MSRA: variants seen among roughly 807,000 people sequenced by gnomAD.
MSRA encodes methionine sulfoxide reductase A.
Under a neutral mutation model 31.3 loss-of-function variants are expected in MSRA, and 54 were observed. That is an observed-to-expected ratio of 1.73 (90% CI 1.39 to 2.17). The LOEUF (loss-of-function observed/expected upper bound fraction) is 2.17, where lower values mean the gene tolerates loss of function less well. Among genes scored for constraint, MSRA ranks in the 30% most tolerant of loss-of-function variants. The pLI, the probability that MSRA is intolerant of heterozygous loss-of-function variation, is 0.00. For missense variants in MSRA, 507 were observed against 300.9 expected (o/e 1.69, Z -5.07); for synonymous variants, 169 against 116.5 (o/e 1.45, Z -2.90).
chr8:10,190,355 G>A (rs528272085), intron 1 of MSRA, among the ~76,000 whole-genome samples: 65 of 152,274 alleles, frequency 4.3e-4, no homozygotes, highest in African/African-American at 1.4e-3. Context: ...GCTTCTGTCC[G>A]TGGCAGTGCC....
chr8:10,095,967 A>G (rs749735373), intron 1 of MSRA: 23 of 1,379,964 alleles, frequency 1.7e-5, no homozygotes, highest in Non-Finnish European at 2.1e-5. Context: ...AATTTTCTAC[A>G]AAATAAAGTT....
intron 4 of MSRA, among the ~76,000 whole-genome samples, chr8:10,317,107 G>A (rs1014048997): frequency 6.6e-6 from 1 of 152,172 alleles, no homozygotes; most frequent in Non-Finnish European, 1.5e-5. Flanking sequence ...CAACCAACAT[G>A]GACAGTCCTG....
chr8:10,283,830 TATATATACACACAC>T (rs1274804223), intron 3 of MSRA, among the ~76,000 whole-genome samples: 8 of 65,336 alleles, frequency 1.2e-4, no homozygotes, highest in Admixed American at 4.3e-4. Context: ...TATATATATA[TATATATACACACAC>T]ACACACACAC....
chr8:10,104,914 A>G (rs117069927), intron 1 of MSRA, among the ~76,000 whole-genome samples: 2,797 of 152,306 alleles, frequency 0.018, 29 homozygotes, highest in Non-Finnish European at 0.03. Context: ...TAGAGTATCA[A>G]TGTTCTTGTC....
intron 4 of MSRA, among the ~76,000 whole-genome samples, chr8:10,317,996 C>G (rs564552766): frequency 4.6e-5 from 7 of 152,284 alleles, no homozygotes; most frequent in African/African-American, 1.7e-4. Flanking sequence ...AGACCTTGTC[C>G]TGCCTCTTCA....
intron 3 of MSRA, among the ~76,000 whole-genome samples, chr8:10,264,856 G>T (rs1798665474): frequency 1.3e-5 from 2 of 152,164 alleles, no homozygotes; most frequent in South Asian, 4.1e-4. Context: ...ACCTGCTGAG[G>T]AGATGGAAGC....
intron 5 of MSRA, among the ~76,000 whole-genome samples, chr8:10,406,408 T>C (rs190733680): frequency 1.3e-5 from 2 of 152,282 alleles, no homozygotes; most frequent in Non-Finnish European, 2.9e-5. Flanking sequence ...GATGAGCAAA[T>C]CCAAGTACAG....
chr8:10,185,182 C>T (rs1806910688), intron 1 of MSRA, among the ~76,000 whole-genome samples: 1 of 152,028 alleles, frequency 6.6e-6, no homozygotes, highest in South Asian at 2.1e-4. Context: ...GCGAATCCCC[C>T]TGTGGACAAT....
intron 1 of MSRA, among the ~76,000 whole-genome samples, chr8:10,177,979 G>C (rs1806202178): frequency 6.6e-6 from 1 of 152,198 alleles, no homozygotes; most frequent in African/African-American, 2.4e-5. Flanking sequence ...TCAAGAACCT[G>C]TTCATCTCAC....
chr8:10,143,109 C>G (rs1220893612), intron 1 of MSRA, among the ~76,000 whole-genome samples: 1 of 152,000 alleles, frequency 6.6e-6, no homozygotes, highest in Non-Finnish European at 1.5e-5. Flanking sequence ...AATTTTTATC[C>G]AAAGAATGGG....
At chr8:10,185,251 G>A (rs1806919344) in intron 1 of MSRA, among the ~76,000 whole-genome samples, 1 of 152,120 alleles carries the variant, frequency 6.6e-6, no homozygotes, top group African/African-American at 2.4e-5. Flanking sequence ...TCACGACTGG[G>A]GCTTGGCAGT....
intron 5 of MSRA, chr8:10,336,694 A>G (rs1225863412): frequency 6.6e-6 from 1 of 152,236 alleles, no homozygotes; most frequent in Non-Finnish European, 1.5e-5. Context: ...TGTAACTTAC[A>G]TGATAAATTA....
intron 5 of MSRA, among the ~76,000 whole-genome samples, chr8:10,381,165 C>T (rs1040730583): frequency 5.9e-5 from 9 of 152,138 alleles, no homozygotes; most frequent in Non-Finnish European, 1.0e-4. Context: ...CAAACCTTTC[C>T]CCTCTGTGAC....
chr8:10,153,104 T>C (rs931639225), intron 1 of MSRA, among the ~76,000 whole-genome samples: 1 of 152,214 alleles, frequency 6.6e-6, no homozygotes, highest in Non-Finnish European at 1.5e-5. Context: ...TGAATGTACT[T>C]ACCACTACTG....
At chr8:10,411,708 C>T (rs936172991) in intron 5 of MSRA, 1 of 152,158 alleles carries the variant, frequency 6.6e-6, no homozygotes, top group Non-Finnish European at 1.5e-5. Flanking sequence ...TTGTCTTAAT[C>T]AGTGAATAAA....
At chr8:10,416,623 C>A (rs1808477327) in intron 5 of MSRA, among the ~76,000 whole-genome samples, 1 of 152,192 alleles carries the variant, frequency 6.6e-6, no homozygotes. Context: ...CAAAGCAGGT[C>A]CCGTGGGTGA....
chr8:10,322,991 G>A (rs1247261043), intron 5 of MSRA, among the ~76,000 whole-genome samples: 1 of 151,324 alleles, frequency 6.6e-6, no homozygotes, highest in East Asian at 2.0e-4. Flanking sequence ...TGAGGAGGCT[G>A]AGGCAGGAGA....
At chr8:10,170,803 C>G (rs1030034117) in intron 1 of MSRA, among the ~76,000 whole-genome samples, 3 of 152,184 alleles carry the variant, frequency 2.0e-5, no homozygotes, top group Non-Finnish European at 4.4e-5. Context: ...GTTTATGAGC[C>G]ATCCATTTTT....
At chr8:10,135,216 C>T (rs1271029175) in intron 1 of MSRA, among the ~76,000 whole-genome samples, 1 of 152,218 alleles carries the variant, frequency 6.6e-6, no homozygotes, top group Non-Finnish European at 1.5e-5. Flanking sequence ...CGTGGTTCCC[C>T]ACTTTTCAGG....
Sources: gnomAD v4.1 joint callset for allele counts (sites outside exome capture counted in the v4.1 genomes callset) on GRCh38, gnomAD v4.1.1 for gene constraint, MANE v1.5 for transcripts, NCBI Gene and HGNC (gene_info 2026-07-23, HGNC 2026-07-21) for gene names.